LIPG: variants seen among roughly 807,000 people sequenced by gnomAD.
LIPG encodes endothelial lipase.
A neutral mutation model predicts 51.8 loss-of-function variants in LIPG; 34 were observed. The ratio of observed to expected loss-of-function variants is 0.66; its 90% CI spans 0.50 to 0.87. The LOEUF is 0.87. Among genes scored for constraint, LIPG ranks in the 40% least tolerant of loss-of-function variants. LIPG has a pLI of 0.00. For synonymous variants in LIPG, 246 were observed against 246.1 expected (o/e 1.00, Z 0.00); for missense variants, 580 against 652.7 (o/e 0.89, Z 1.21).
rs140946867 is a variant in LIPG at position 49,581,283 on chromosome 18, A to C, written c.794-132A>C. On this transcript the variant is annotated intron_variant, in intron 5 of 9. Transcript: ENST00000261292. ...TTGTCTCAACACAAATAAACAAGCA[A>C]AAGAATTACATGAAAATACTAACAG... The C allele has an allele frequency of 2.0e-5, 28 of 1,367,700 alleles. No homozygotes were observed. In the African/African-American group the frequency reaches 2.6e-4, roughly 13 times the overall value. The allele number at this position is 1,367,700 out of a possible 1,614,324, so 84.7% of individuals were successfully genotyped here.
chr18:49,590,209 A>T, intron 9 of LIPG: 8 of 345,508 alleles, frequency 2.3e-5, no homozygotes, highest in Admixed American at 4.4e-5. Flanking sequence ...GTGTGTGTGT[A>T]TGTTGTGGGT....
At chr18:49,586,871 C>G (rs376904292) in intron 9 of LIPG, 21 bp downstream of exon 9, 2 of 1,553,616 alleles carry the variant, frequency 1.3e-6, no homozygotes, top group Non-Finnish European at 1.8e-6. Context: ...CTTTCTCACA[C>G]GTTCCACCCA....
At chr18:49,568,605 TCCTGACCTCAGGTGATCTG>T (rs1198219475) in intron 3 of LIPG, among the ~76,000 whole-genome samples, 2 of 151,986 alleles carry the variant, frequency 1.3e-5, no homozygotes, top group African/African-American at 2.4e-5. Context: ...AGTTTCTAAC[TCCTGACCTCAGGTGATCTG>T]CCTGCCTCGG....
At position 49,596,679 on chromosome 18, in the gene LIPG, A is replaced by G. The variant is rs2084984660; in HGVS notation, c.*6157A>G. 6.8e-6 allele frequency: 1 copy of G among 148,128 alleles called. No individual in the cohort carries two copies. Among genetic ancestry groups the G allele is most frequent in the East Asian group, 2.0e-4 (1 of 5,078 alleles). 9.2% of individuals were successfully genotyped at this position (148,128 alleles called of 1,614,324 possible). On this transcript the variant is annotated 3_prime_UTR_variant, in exon 10 of 10. Transcript: ENST00000261292. ...AAAAAGGCCACAGAAATGTCCATCC[A>G]GCAGGTGGACAATTACCCTTTTGTC... is the stretch of plus-strand genomic sequence containing the variant.
At position 49,577,026 on chromosome 18, in the gene LIPG, A is replaced by ATT. The variant is rs1221324643; in HGVS notation, c.793+1445_793+1446dup. ...ATTTTATTTTATTTTTTATTTATTT[A>ATT]TTTTTTTTTTATTGATAATTCTTGG... On this transcript the variant is annotated intron_variant, in intron 5 of 9. Transcript: ENST00000261292. 5.9e-3 allele frequency among the ~76,000 whole-genome samples: 879 copies of ATT among 148,742 alleles called. 6 individuals carry two copies. The highest frequency in any genetic ancestry group is 0.02 in the African/African-American group (816 of 40,204).
In LIPG at chr18:49,573,309, G is replaced by A. The variant is rs74382297; in HGVS notation, c.572-2060G>A. On this transcript the variant is annotated intron_variant, in intron 4 of 9. Coordinates refer to ENST00000261292, the MANE Select transcript of LIPG (RefSeq NM_006033.4). ...CTTGCGGCCTCTGAAATGGGTTGTC[G>A]TGGGCTGTTCTGGGAGCACACTGCT... Among the ~76,000 whole-genome samples the A allele has an allele frequency of 2.0e-4, 30 of 152,322 alleles. No individual in the cohort carries two copies. The East Asian group carries it at 5.4e-3, about 27-fold the overall frequency.
chr18:49,580,252 A>G (rs1386430132), intron 5 of LIPG, among the ~76,000 whole-genome samples: 1 of 152,172 alleles, frequency 6.6e-6, no homozygotes, highest in East Asian at 1.9e-4. Context: ...AACTGTCTCT[A>G]TGACCCTGAG....
intron 8 of LIPG, among the ~76,000 whole-genome samples, chr18:49,585,085 T>G (rs2084867514): frequency 6.6e-6 from 1 of 152,314 alleles, no homozygotes; most frequent in South Asian, 2.1e-4. Flanking sequence ...TTTTTGAGAC[T>G]GAGTCTCTCT....
chr18:49,577,739 G>A lies in LIPG; in HGVS notation c.793+2149G>A, dbSNP rs1190370812. 1.1e-4 allele frequency among the ~76,000 whole-genome samples: 8 copies of A among 73,374 alleles called. 1 individual carries two copies. The East Asian group carries it at 1.5e-3, about 14-fold the overall frequency. The allele number at this position is 73,374 out of a possible 152,430, so 48.1% of individuals were successfully genotyped here. A position where few individuals can be genotyped will look rare whatever the true frequency, so the allele number is the denominator to read the frequency against. On this transcript the variant is annotated intron_variant, in intron 5 of 9. Transcript: ENST00000261292. Reference sequence around the variant, plus strand: ...TCCCGGATGGCACGGCTGGCCGGGCGGGGGGGCTGACCCCCCCACCTCCCT... The same window carrying A: ...TCCCGGATGGCACGGCTGGCCGGGCAGGGGGGCTGACCCCCCCACCTCCCT...
At chr18:49,561,563 C>T, upstream of LIPG, 3 of 738,246 alleles carry the variant, frequency 4.1e-6, no homozygotes, top group South Asian at 7.2e-5. Context: ...CCTCGCTAGG[C>T]GGGAAGGGAG....
intron 5 of LIPG, among the ~76,000 whole-genome samples, chr18:49,576,183 C>T (rs1239548058): frequency 1.3e-5 from 2 of 152,020 alleles, no homozygotes; most frequent in African/African-American, 2.4e-5. Context: ...ATTTGTTGAA[C>T]AAGAAATCAA....
chr18:49,567,490 C>A lies in LIPG; in HGVS notation c.328C>A (p.His110Asn), dbSNP rs1426284437. ...NWLHKLVSAL[H>N]TREKDANVVV... The stretch of plus-strand genomic sequence containing the variant: ...GCTGCACAAACTCGTGTCAGCCCTG[C>A]ACACAAGAGAGAAAGACGCCAATGT... Residue 110 changes from histidine to asparagine, a missense_variant, in exon 3 of 10, where the codon CAC becomes AAC. Transcript: ENST00000261292. The A allele has an allele frequency of 9.9e-6, 16 of 1,614,090 alleles. No individual in the cohort carries two copies. Among genetic ancestry groups the A allele is most frequent in the Non-Finnish European group, 1.3e-5 (15 of 1,180,034 alleles).
chr18:49,577,676 ACGGC>A (rs2084736929), intron 5 of LIPG, among the ~76,000 whole-genome samples: 1 of 95,192 alleles, frequency 1.1e-5, no homozygotes, highest in Non-Finnish European at 2.3e-5. Context: ...CCCGGACGGC[ACGGC>A]TGGCCAGGCG....
At position 49,597,009 on chromosome 18, in the gene LIPG, G is replaced by A. The variant is rs1488357390; in HGVS notation, c.*6487G>A. On this transcript the variant is annotated 3_prime_UTR_variant, in exon 10 of 10. Coordinates refer to ENST00000261292, the MANE Select transcript of LIPG (RefSeq NM_006033.4). ...TACCTGGTCCAGAGTTGTCTGCATTGTTTAAAGAAGACGTTTGTTAATCCA... is the reference window on the plus strand; with the variant it reads ...TACCTGGTCCAGAGTTGTCTGCATTATTTAAAGAAGACGTTTGTTAATCCA... 2 of 152,196 alleles carry A rather than the reference G, an allele frequency of 1.3e-5. No homozygotes were observed. The highest frequency in any genetic ancestry group is 4.8e-5 in the African/African-American group (2 of 41,426). The allele number at this position is 152,196 out of a possible 1,614,324, so 9.4% of individuals were successfully genotyped here.
At chr18:49,572,126 C>G (rs2084670139) in intron 4 of LIPG, among the ~76,000 whole-genome samples, 1 of 152,100 alleles carries the variant, frequency 6.6e-6, no homozygotes, top group Non-Finnish European at 1.5e-5. Context: ...TCAAGACCAG[C>G]CTGGCCAACA....
At chr18:49,569,829 G>A (rs36039774) in intron 4 of LIPG, among the ~76,000 whole-genome samples, 64 of 152,222 alleles carry the variant, frequency 4.2e-4, no homozygotes, top group South Asian at 2.3e-3. Context: ...CAGTGTGGGC[G>A]TTCCCCTTCC....
At chr18:49,576,854 C>T (rs2084724724) in intron 5 of LIPG, among the ~76,000 whole-genome samples, 1 of 152,128 alleles carries the variant, frequency 6.6e-6, no homozygotes, top group African/African-American at 2.4e-5. Context: ...TCAAGCTATC[C>T]CCCTGCCTCA....
At chr18:49,580,190 C>T (rs1162607496) in intron 5 of LIPG, among the ~76,000 whole-genome samples, 2 of 152,056 alleles carry the variant, frequency 1.3e-5, no homozygotes, top group Non-Finnish European at 2.9e-5. Context: ...TTGTAAGATC[C>T]CAGAAATTAT....
At chr18:49,573,123 C>G (rs911046723) in intron 4 of LIPG, among the ~76,000 whole-genome samples, 4 of 152,232 alleles carry the variant, frequency 2.6e-5, no homozygotes, top group African/African-American at 9.6e-5. Flanking sequence ...CCAGCACAGC[C>G]TGGTTTCCAT....
Sources: gnomAD v4.1 joint callset for allele counts (sites outside exome capture counted in the v4.1 genomes callset) on GRCh38, gnomAD v4.1.1 for gene constraint, MANE v1.5 for transcripts, NCBI Gene and HGNC (gene_info 2026-07-23, HGNC 2026-07-21) for gene names.